Variants in PARD3B observed in about 807,000 individuals in gnomAD.
PARD3B encodes the protein par-3 family cell polarity regulator beta, also known as partitioning defective 3 homolog B.
PARD3B carries 103 observed loss-of-function variants against 130.2 expected under a neutral mutation model. That is an observed-to-expected ratio of 0.79 (90% CI 0.67 to 0.93). PARD3B has a LOEUF of 0.93. PARD3B is among the 40% of genes least tolerant of loss of function. PARD3B has a pLI of 0.00. For missense variants in PARD3B, 1,609 were observed against 1,499.2 expected (o/e 1.07, Z -1.21); for synonymous variants, 583 against 553.2 (o/e 1.05, Z -0.76).
intron 2 of PARD3B, among the ~76,000 whole-genome samples, chr2:204,903,650 G>A (rs544549560): frequency 5.3e-5 from 8 of 151,822 alleles, no homozygotes; most frequent in African/African-American, 9.7e-5. Context: ...TCTTTTTATC[G>A]ATCTGGAATA....
At chr2:204,839,822 A>T (rs1323369937) in intron 2 of PARD3B, among the ~76,000 whole-genome samples, 9 of 152,190 alleles carry the variant, frequency 5.9e-5, no homozygotes, top group Admixed American at 5.9e-4. Context: ...CTTTGAAAAA[A>T]GATTTGTCAT....
At chr2:205,462,016 A>C (rs2048469545) in intron 20 of PARD3B, among the ~76,000 whole-genome samples, 1 of 152,262 alleles carries the variant, frequency 6.6e-6, no homozygotes, top group Admixed American at 6.5e-5. Flanking sequence ...TACCTTATAC[A>C]TCTGTGTTCC....
chr2:204,902,337 G>A lies in PARD3B; in HGVS notation c.223-62815G>A, dbSNP rs1334542473. 9.3e-4 allele frequency among the ~76,000 whole-genome samples: 141 copies of A among 152,196 alleles called. 1 individual carries two copies. The highest frequency in any genetic ancestry group is 3.3e-3 in the African/African-American group (135 of 41,524). On this transcript the variant is annotated intron_variant, in intron 2 of 22. Transcript: ENST00000406610. Reference sequence around the variant, plus strand: ...AAATATGGGTTATAAGCATGAGTGTGATCGCTTCTGAATAGCTAGACGTTT... The same window carrying A: ...AAATATGGGTTATAAGCATGAGTGTAATCGCTTCTGAATAGCTAGACGTTT...
At chr2:204,903,294 T>A (rs1031187460) in intron 2 of PARD3B, among the ~76,000 whole-genome samples, 1 of 152,110 alleles carries the variant, frequency 6.6e-6, no homozygotes, top group East Asian at 1.9e-4. Context: ...TGACTCAGAG[T>A]GAAAGACCAT....
chr2:204,913,027 T>A (rs2047302017), intron 2 of PARD3B, among the ~76,000 whole-genome samples: 1 of 152,210 alleles, frequency 6.6e-6, no homozygotes, highest in Non-Finnish European at 1.5e-5. Flanking sequence ...ACGTCATATG[T>A]TTATAAAATG....
chr2:204,617,076 A>T (rs1244762828), intron 1 of PARD3B, among the ~76,000 whole-genome samples: 1 of 152,168 alleles, frequency 6.6e-6, no homozygotes, highest in African/African-American at 2.4e-5. Flanking sequence ...AGATTTCTCA[A>T]ATGTTCCAAA....
At chr2:204,546,676 T>C (rs921790855) in intron 1 of PARD3B, among the ~76,000 whole-genome samples, 39 of 152,312 alleles carry the variant, frequency 2.6e-4, no homozygotes, top group African/African-American at 9.1e-4. Context: ...GGTGGGAGCA[T>C]GCTGTTTGCT....
At chr2:205,533,015 A>G (rs2051671324) in intron 21 of PARD3B, among the ~76,000 whole-genome samples, 1 of 152,188 alleles carries the variant, frequency 6.6e-6, no homozygotes, top group African/African-American at 2.4e-5. Flanking sequence ...TTTCAGTGGA[A>G]TCAATGGAGC....
intron 3 of PARD3B, among the ~76,000 whole-genome samples, chr2:204,989,081 A>T (rs953223092): frequency 4.6e-5 from 7 of 152,186 alleles, no homozygotes; most frequent in African/African-American, 1.7e-4. Context: ...GTAATCACAA[A>T]AACAGTTTAA....
In PARD3B at chr2:205,265,893, G is replaced by C. The variant is rs1246511756; in HGVS notation, c.2185+20071G>C. On this transcript the variant is annotated intron_variant, in intron 16 of 22. Transcript: ENST00000406610. This position sits in a 1 kb window ranked among gnomAD's most constrained non-coding sequence, Gnocchi z 4.3. ...GTTCATACAGATTTTTATCATTTTA[G>C]TACTTCATCTGTGATATAAAACATA... Among the ~76,000 whole-genome samples the C allele has an allele frequency of 1.3e-5, 2 of 151,888 alleles. No homozygotes were observed. The highest frequency in any genetic ancestry group is 2.9e-5 in the Non-Finnish European group (2 of 67,890).
chr2:204,770,921 T>C (rs754581147), intron 2 of PARD3B, among the ~76,000 whole-genome samples: 2 of 152,110 alleles, frequency 1.3e-5, no homozygotes, highest in Admixed American at 1.3e-4. Flanking sequence ...CAGCCTGAGC[T>C]CTGCTTTTCC....
chr2:205,614,008 T>C (rs2055330249), intron 22 of PARD3B, among the ~76,000 whole-genome samples: 1 of 152,186 alleles, frequency 6.6e-6, no homozygotes, highest in Non-Finnish European at 1.5e-5. Context: ...ATTGTTGTTG[T>C]TTTTCTTTTT....
chr2:205,567,951 C>G (rs893658107), intron 22 of PARD3B, among the ~76,000 whole-genome samples: 1 of 152,102 alleles, frequency 6.6e-6, no homozygotes, highest in Admixed American at 6.5e-5. Context: ...CACACCTTGC[C>G]CCACCTGGGG....
At chr2:204,702,725 C>G (rs552043678) in intron 2 of PARD3B, among the ~76,000 whole-genome samples, 1 of 152,156 alleles carries the variant, frequency 6.6e-6, no homozygotes, top group South Asian at 2.1e-4. Flanking sequence ...CAGGCACTGG[C>G]CACCATACTT....
At chr2:205,608,991 C>G (rs989874926) in intron 22 of PARD3B, among the ~76,000 whole-genome samples, 1 of 152,216 alleles carries the variant, frequency 6.6e-6, no homozygotes, top group African/African-American at 2.4e-5. Flanking sequence ...AACAAGACCC[C>G]CCTCTTCTCA....
chr2:205,374,524 C>T (rs1021988713), intron 18 of PARD3B, among the ~76,000 whole-genome samples: 1 of 152,154 alleles, frequency 6.6e-6, no homozygotes, highest in African/African-American at 2.4e-5. Context: ...TGAGCCACTG[C>T]GTCCGGCCCA....
At chr2:204,899,738 A>G (rs1050670550) in intron 2 of PARD3B, among the ~76,000 whole-genome samples, 1 of 152,174 alleles carries the variant, frequency 6.6e-6, no homozygotes, top group Non-Finnish European at 1.5e-5. Context: ...TTTATTACTC[A>G]TCAACATCCT....
At chr2:205,245,090 C>G (rs187389114) in intron 15 of PARD3B, among the ~76,000 whole-genome samples, 1 of 152,182 alleles carries the variant, frequency 6.6e-6, no homozygotes, top group African/African-American at 2.4e-5. Flanking sequence ...GCTTTGGCTT[C>G]CTGGGATGCC....
At chr2:205,560,699 T>C (rs1479741660) in intron 22 of PARD3B, among the ~76,000 whole-genome samples, 1 of 152,198 alleles carries the variant, frequency 6.6e-6, no homozygotes, top group African/African-American at 2.4e-5. Context: ...TTGATGTTTC[T>C]GTAATCCATG....
Sources: allele counts gnomAD v4.1 joint callset (sites outside exome capture counted in the v4.1 genomes callset), GRCh38; gene constraint gnomAD v4.1.1; non-coding constraint Gnocchi (gnomAD v3.1); transcripts MANE v1.5; gene names NCBI Gene and HGNC (gene_info 2026-07-23, HGNC 2026-07-21).